Variants in PCDH15 observed in about 807,000 individuals in gnomAD.
The protein encoded by PCDH15 is protocadherin-15.
A neutral mutation model predicts 178.5 loss-of-function variants in PCDH15; 129 were observed. That is an observed-to-expected ratio of 0.72 (90% CI 0.63 to 0.84). PCDH15 has a LOEUF of 0.84. Ranked by LOEUF, PCDH15 falls within the 40% of genes least tolerant of loss-of-function variation. The pLI, the probability that PCDH15 is intolerant of heterozygous loss-of-function variation, is 0.00. For synonymous variants in PCDH15, 800 were observed against 732.0 expected (o/e 1.09, Z -1.50); for missense variants, 2,230 against 2,099.9 (o/e 1.06, Z -1.21).
At chr10:54,848,046 G>T (rs1045460936) in intron 3 of PCDH15, among the ~76,000 whole-genome samples, 3 of 152,138 alleles carry the variant, frequency 2.0e-5, no homozygotes, top group Non-Finnish European at 4.4e-5. Flanking sequence ...TGAATCATGA[G>T]GGATCTGCCT....
At chr10:55,094,456 G>T (rs528101059) in intron 2 of PCDH15, among the ~76,000 whole-genome samples, 1 of 152,052 alleles carries the variant, frequency 6.6e-6, no homozygotes, top group African/African-American at 2.4e-5. Context: ...ATGAGTTAAT[G>T]GGTGCAGCAC....
intron 33 of PCDH15, among the ~76,000 whole-genome samples, chr10:53,819,139 C>G (rs749597604): frequency 6.6e-6 from 1 of 151,846 alleles, no homozygotes; most frequent in Non-Finnish European, 1.5e-5. Flanking sequence ...TCAACTTTTA[C>G]CAAATTTATA....
intron 8 of PCDH15, among the ~76,000 whole-genome samples, chr10:54,289,510 T>C (rs1357984593): frequency 6.6e-6 from 1 of 152,150 alleles, no homozygotes; most frequent in Non-Finnish European, 1.5e-5. Context: ...ATGCAGCTCC[T>C]CACCAGCAAC....
At chr10:55,493,590 T>C (rs1470680762) in intron 2 of PCDH15, among the ~76,000 whole-genome samples, 1 of 151,646 alleles carries the variant, frequency 6.6e-6, no homozygotes. Flanking sequence ...TTGCATACAT[T>C]TGAGCCAGAA....
At chr10:54,142,427 G>A (rs928775181) in intron 14 of PCDH15, among the ~76,000 whole-genome samples, 3 of 152,116 alleles carry the variant, frequency 2.0e-5, no homozygotes, top group South Asian at 2.1e-4. Flanking sequence ...CACAGGGCCA[G>A]AAATTAAAAC....
chr10:53,838,834 C>T (rs929362303), intron 29 of PCDH15, among the ~76,000 whole-genome samples: 4 of 151,974 alleles, frequency 2.6e-5, no homozygotes, highest in Admixed American at 6.6e-5. Flanking sequence ...AATCAGAGTG[C>T]GAGCTATTAC....
In PCDH15 at chr10:53,926,633, A is replaced by G. The variant is rs147924834; in HGVS notation, c.3373+12182T>C. ...TGCCAATTAGAAGAATTTTAAATTT[A>G]TACAACCAAGCTGCACCTCAACCAC... On this transcript the variant is annotated intron_variant, in intron 25 of 37. Transcript: ENST00000644397. 1.4e-4 allele frequency among the ~76,000 whole-genome samples: 21 copies of G among 152,326 alleles called. No individual in the cohort carries two copies. In the East Asian group the frequency reaches 4.1e-3, roughly 29 times the overall value.
At chr10:54,837,735 C>T (rs1953342663) in intron 3 of PCDH15, among the ~76,000 whole-genome samples, 1 of 152,106 alleles carries the variant, frequency 6.6e-6, no homozygotes, top group South Asian at 2.1e-4. Flanking sequence ...GGCAGCCATT[C>T]ATGAATGAAA....
At chr10:55,206,443 A>T (rs1010015670) in intron 1 of PCDH15, among the ~76,000 whole-genome samples, 1 of 152,078 alleles carries the variant, frequency 6.6e-6, no homozygotes, top group Non-Finnish European at 1.5e-5. Context: ...CTGGAAGGCT[A>T]ATTTTAACCA....
intron 1 of PCDH15, among the ~76,000 whole-genome samples, chr10:54,775,713 G>A (rs1006440719): frequency 2.6e-5 from 4 of 152,018 alleles, no homozygotes; most frequent in Admixed American, 6.6e-5. Flanking sequence ...AGGAAACCCC[G>A]TCTCTACTAA....
chr10:54,224,603 C>T (rs1310914547), intron 9 of PCDH15, among the ~76,000 whole-genome samples: 1 of 152,060 alleles, frequency 6.6e-6, no homozygotes, highest in Non-Finnish European at 1.5e-5. Context: ...AATTCACCTG[C>T]TACCCCTTTT....
At chr10:55,222,730 C>CACATATATATATATATATAT in intron 1 of PCDH15, among the ~76,000 whole-genome samples, 7 of 121,254 alleles carry the variant, frequency 5.8e-5, no homozygotes, top group African/African-American at 1.7e-4. Context: ...CACACACACA[C>CACATATATATATATATATAT]ATATATATAT....
chr10:54,349,169 A>C (rs1279923609), intron 5 of PCDH15, among the ~76,000 whole-genome samples: 2 of 152,202 alleles, frequency 1.3e-5, no homozygotes, highest in East Asian at 3.9e-4. Flanking sequence ...TTTTGAGGAA[A>C]TAAAGGGGGT....
chr10:54,765,391 A>T lies in PCDH15; in HGVS notation c.-29+35534T>A, dbSNP rs116319671. 7.5e-3 allele frequency among the ~76,000 whole-genome samples: 1,143 copies of T among 152,284 alleles called. 14 individuals are homozygous for T. The highest frequency in any genetic ancestry group is 0.026 in the African/African-American group (1,062 of 41,552). ...GCAAAATATCTTAAAAGATGAAAAA[A>T]GTTCAGAGAGAGCAATCACAAATGG... On this transcript the variant is annotated intron_variant, in intron 1 of 37. Transcript: ENST00000644397.
At chr10:54,245,417 T>C (rs1475229743) in intron 8 of PCDH15, among the ~76,000 whole-genome samples, 1 of 152,104 alleles carries the variant, frequency 6.6e-6, no homozygotes, top group Non-Finnish European at 1.5e-5. Context: ...ATATTGGTTA[T>C]CAATAAATAG....
In PCDH15 at chr10:54,153,158, C is replaced by G. The variant is rs1305101686; in HGVS notation, c.1726G>C (p.Gly576Arg). ...TIAPGVEMIV[G>R]RTYALTVQAA... ...TGGACCGTGAGTGCGTAAGTCCGCCCGACTATCATTTCCACCCCTGGAGCG... is the reference window on the plus strand; with the variant it reads ...TGGACCGTGAGTGCGTAAGTCCGCCGGACTATCATTTCCACCCCTGGAGCG... The change falls in exon 14 of 38, where the codon GGG becomes CGG. Residue 576 changes from glycine to arginine, a missense_variant. Transcript: ENST00000644397. 1 of 1,613,890 alleles carries G rather than the reference C, an allele frequency of 6.2e-7. No individual in the cohort carries two copies. Among genetic ancestry groups the G allele is most frequent in the Non-Finnish European group, 8.5e-7 (1 of 1,179,888 alleles).
chr10:54,244,789 C>T (rs1008486271), intron 8 of PCDH15, among the ~76,000 whole-genome samples: 1 of 152,140 alleles, frequency 6.6e-6, no homozygotes, highest in South Asian at 2.1e-4. Context: ...AAAAATCCTC[C>T]AAACGATTTT....
intron 20 of PCDH15, among the ~76,000 whole-genome samples, chr10:53,997,655 TCA>T (rs1215880260): frequency 6.6e-6 from 1 of 152,212 alleles, no homozygotes; most frequent in Admixed American, 6.5e-5. Context: ...ACACAGCTGT[TCA>T]CAGTGTTGAA....
chr10:55,476,981 C>G (rs1175191899), intron 2 of PCDH15, among the ~76,000 whole-genome samples: 1 of 151,784 alleles, frequency 6.6e-6, no homozygotes, highest in Non-Finnish European at 1.5e-5. Flanking sequence ...TAATATGATA[C>G]TTCTTCGACA....
Sources: gnomAD v4.1 joint callset for allele counts (sites outside exome capture counted in the v4.1 genomes callset) on GRCh38, gnomAD v4.1.1 for gene constraint, MANE v1.5 for transcripts, NCBI Gene and HGNC (gene_info 2026-07-23, HGNC 2026-07-21) for gene names.